DDI2: variants seen among roughly 807,000 people sequenced by gnomAD.
DDI2 encodes DDI proteasomal shuttling factor 2.
DDI2 carries 5 observed loss-of-function variants against 48.1 expected under a neutral mutation model. The ratio of observed to expected loss-of-function variants is 0.10; its 90% CI spans 0.05 to 0.22. The LOEUF is 0.22. Among genes scored for constraint, DDI2 ranks in the 10% least tolerant of loss-of-function variants. DDI2 has a pLI of 1.00. For synonymous variants in DDI2, 205 were observed against 183.6 expected (o/e 1.12, Z -0.94); for missense variants, 285 against 506.2 (o/e 0.56, Z 4.19).
chr1:15,661,918 A>G lies in DDI2; in HGVS notation c.*2128A>G, dbSNP rs554530302. 14 of 773,532 alleles carry G rather than the reference A, an allele frequency of 1.8e-5. No homozygotes were observed. In the East Asian group the frequency reaches 3.0e-4, roughly 17 times the overall value. 47.9% of individuals were successfully genotyped at this position (773,532 alleles called of 1,614,324 possible). ...GATCTTTTGTCTGATGAATTTGTCT[A>G]TCCTACTTGTTAAAATTTAGGCCTT... On this transcript the variant is annotated 3_prime_UTR_variant, in exon 10 of 10. Transcript: ENST00000480945.
intron 6 of DDI2, among the ~76,000 whole-genome samples, chr1:15,646,883 GA>G (rs1031584656): frequency 2.0e-5 from 3 of 151,988 alleles, no homozygotes; most frequent in African/African-American, 7.3e-5. Flanking sequence ...TGAGATGAAG[GA>G]AAAAAACATC....
chr1:15,630,674 C>T (rs1196639572), intron 3 of DDI2, 113 bp downstream of exon 3: 5 of 759,868 alleles, frequency 6.6e-6, no homozygotes, highest in Non-Finnish European at 8.8e-6. Flanking sequence ...TTGAACATAC[C>T]AGTTTTTTCT....
At chr1:15,625,030 T>C (rs1639730831) in intron 1 of DDI2, among the ~76,000 whole-genome samples, 1 of 152,240 alleles carries the variant, frequency 6.6e-6, no homozygotes, top group Admixed American at 6.5e-5. Flanking sequence ...TGGTAGGAAC[T>C]CATTTTCCTG....
chr1:15,640,949 G>T (rs1338805509), intron 5 of DDI2, among the ~76,000 whole-genome samples: 1 of 152,110 alleles, frequency 6.6e-6, no homozygotes, highest in East Asian at 1.9e-4. Context: ...AAAAAAAGCA[G>T]GGCAGGGACC....
intron 1 of DDI2, among the ~76,000 whole-genome samples, chr1:15,620,677 T>C (rs1421172450): frequency 6.6e-6 from 1 of 152,246 alleles, no homozygotes; most frequent in Non-Finnish European, 1.5e-5. Context: ...CAGATTATGC[T>C]TCTGTTATGT....
At chr1:15,632,926 TTTTTTAAAA>T (rs1410268215) in intron 3 of DDI2, among the ~76,000 whole-genome samples, 20 of 136,558 alleles carry the variant, frequency 1.5e-4, no homozygotes, top group Admixed American at 7.7e-4. Flanking sequence ...TTTTTTTTTT[TTTTTTAAAA>T]AAAAAAAAAC....
intron 1 of DDI2, among the ~76,000 whole-genome samples, chr1:15,622,198 C>T (rs1639676514): frequency 3.8e-5 from 5 of 131,242 alleles, no homozygotes; most frequent in Admixed American, 7.6e-5. Flanking sequence ...GTAGCTGCGA[C>T]TTTTTTTTTT....
At chr1:15,622,814 A>T (rs538777931) in intron 1 of DDI2, among the ~76,000 whole-genome samples, 4 of 152,342 alleles carry the variant, frequency 2.6e-5, no homozygotes, top group African/African-American at 9.6e-5. Flanking sequence ...ACAAAAAGAA[A>T]TCAGTTCTTT....
At chr1:15,622,935 G>A (rs151107897) in intron 1 of DDI2, among the ~76,000 whole-genome samples, 2 of 152,258 alleles carry the variant, frequency 1.3e-5, no homozygotes, top group African/African-American at 4.8e-5. Context: ...GCCTCACCCA[G>A]GTTCTTCAGT....
In DDI2 at chr1:15,665,249, C is replaced by CA. The variant is rs1452821996; in HGVS notation, c.*5463dup. Reference sequence around the variant, plus strand: ...TGCACTCCAGCCTGGGCAACAAGAGCAAAACTCTGTCTCAAAAAAAAAAAA... The same window carrying CA: ...TGCACTCCAGCCTGGGCAACAAGAGCAAAAACTCTGTCTCAAAAAAAAAAAA... On this transcript the variant is annotated 3_prime_UTR_variant, in exon 10 of 10. Coordinates refer to ENST00000480945, the MANE Select transcript of DDI2 (RefSeq NM_032341.5). 8.9e-6 allele frequency: 1 copy of CA among 112,428 alleles called. No homozygotes were observed. The highest frequency in any genetic ancestry group is 9.9e-5 in the Admixed American group (1 of 10,100). The allele number at this position is 112,428 out of a possible 1,614,324, so 7.0% of individuals were successfully genotyped here. A position where few individuals can be genotyped will look rare whatever the true frequency, so the allele number is the denominator to read the frequency against.
At chr1:15,654,203 T>TA (rs1640235078) in intron 8 of DDI2, among the ~76,000 whole-genome samples, 1 of 152,216 alleles carries the variant, frequency 6.6e-6, no homozygotes, top group Non-Finnish European at 1.5e-5. Flanking sequence ...GTAAGAGTTT[T>TA]AAAAACAGCC....
intron 2 of DDI2, chr1:15,627,022 C>T (rs185638637): frequency 1.8e-5 from 10 of 555,450 alleles, no homozygotes; most frequent in African/African-American, 1.1e-4. Flanking sequence ...CTAAAGCTGA[C>T]GTGAGGCTAA....
chr1:15,653,204 A>G (rs1640219661), intron 8 of DDI2, among the ~76,000 whole-genome samples: 1 of 151,944 alleles, frequency 6.6e-6, no homozygotes, highest in South Asian at 2.1e-4. Flanking sequence ...GCAGATGTTA[A>G]CTTTTGAGTC....
Position 15,633,033 on chromosome 1 carries a change from C to G in DDI2, c.506-406C>G, listed in dbSNP as rs59646363. Among the ~76,000 whole-genome samples the G allele has an allele frequency of 1.3e-3, 198 of 151,390 alleles. No individual in the cohort carries two copies. In the Middle Eastern group the frequency reaches 0.014, roughly 10 times the overall value. On this transcript the variant is annotated intron_variant, in intron 3 of 9. Transcript: ENST00000480945. The stretch of plus-strand genomic sequence containing the variant: ...ACCTCCTGGGCTCAGGCCATCCCCC[C>G]ACCCTTGAACCCCCATCCAACAGTA...
Position 15,661,005 on chromosome 1 carries a change from C to A in DDI2, c.*1215C>A, listed in dbSNP as rs138570543. ...CAGAAAATACATCTGAAGAAGTAAT[C>A]TGTCAATCAGAAACCATAGCTGAGG... On this transcript the variant is annotated 3_prime_UTR_variant, in exon 10 of 10. Transcript: ENST00000480945. 2.5e-6 allele frequency: 4 copies of A among 1,613,942 alleles called. No homozygotes were observed. The African/African-American group carries it at 5.3e-5, about 22-fold the overall frequency.
Position 15,630,354 on chromosome 1 carries a change from G to A in DDI2, c.298G>A (p.Ala100Thr). Residue 100 changes from alanine (A) to threonine (T), a missense_variant, in exon 3 of 10, where the codon GCT (alanine) becomes ACT (threonine). Coordinates refer to ENST00000480945, the MANE Select transcript of DDI2 (RefSeq NM_032341.5). ...NLPRIDFSSI[A>T]VPGTSSPRQR... Reference sequence around the variant, plus strand: ...ACCCCGAATAGATTTCAGTAGTATAGCTGTGCCTGGCACATCAAGTCCCCG... The same window carrying A: ...ACCCCGAATAGATTTCAGTAGTATAACTGTGCCTGGCACATCAAGTCCCCG... 1 of 1,614,224 alleles carries A rather than the reference G, an allele frequency of 6.2e-7. No homozygotes were observed. The highest frequency in any genetic ancestry group is 8.5e-7 in the Non-Finnish European group (1 of 1,180,038).
At chr1:15,644,586 TG>T (rs777459494) in intron 6 of DDI2, among the ~76,000 whole-genome samples, 5,010 of 115,528 alleles carry the variant, frequency 0.043, 533 homozygotes, top group Non-Finnish European at 0.058. Context: ...CAGTTTTTTT[TG>T]TTTTTTTTTT....
At position 15,617,634 on chromosome 1, in the gene DDI2, C is replaced by G. The variant is rs958763110; in HGVS notation, c.-37C>G. On this transcript the variant is annotated 5_prime_UTR_variant, in exon 1 of 10. Coordinates refer to ENST00000480945, the MANE Select transcript of DDI2 (RefSeq NM_032341.5). ...CTTCCCCTGCGCCCCGCGCCCAGGC[C>G]GGGCCGAGCCGAGCCGAGCCGGGTC... 9.0e-6 allele frequency: 12 copies of G among 1,335,268 alleles called. No homozygotes were observed. Among genetic ancestry groups the G allele is most frequent in the Non-Finnish European group, 1.2e-5 (12 of 1,032,330 alleles). 82.7% of individuals were successfully genotyped at this position (1,335,268 alleles called of 1,614,324 possible).
Sources: allele counts gnomAD v4.1 joint callset (sites outside exome capture counted in the v4.1 genomes callset), GRCh38; gene constraint gnomAD v4.1.1; transcripts MANE v1.5; gene names NCBI Gene and HGNC (gene_info 2026-07-23, HGNC 2026-07-21).